HS6ST2: variants seen among roughly 807,000 people sequenced by gnomAD.
HS6ST2 encodes heparan-sulfate 6-O-sulfotransferase 2.
A neutral mutation model predicts 33.0 loss-of-function variants in HS6ST2; 17 were observed. The ratio of observed to expected loss-of-function variants is 0.52; its 90% confidence interval spans 0.35 to 0.77. The LOEUF (loss-of-function observed/expected upper bound fraction) is 0.77. Ranked by LOEUF, HS6ST2 falls within the 30% of genes least tolerant of loss-of-function variation. HS6ST2 has a pLI of 0.01. For missense variants in HS6ST2, 519 were observed against 551.7 expected (o/e 0.94, Z 0.59); for synonymous variants, 248 against 237.1 (o/e 1.05, Z -0.42).
intron 2 of HS6ST2, among the ~76,000 whole-genome samples, chrX:132,730,195 C>T (rs1054830978): frequency 8.1e-5 from 9 of 111,774 alleles, no homozygotes; most frequent in East Asian, 2.8e-4. Context: ...CCTTACACTG[C>T]GCTGCCACTA....
intron 4 of HS6ST2, among the ~76,000 whole-genome samples, chrX:132,640,294 T>G (rs1457219124): frequency 9.1e-6 from 1 of 110,458 alleles, no homozygotes; most frequent in African/African-American, 3.3e-5. Context: ...GAGTTGACTG[T>G]ATTATGGTCA....
chrX:132,766,892 T>G (rs901936363), intron 2 of HS6ST2, among the ~76,000 whole-genome samples: 2 of 111,770 alleles, frequency 1.8e-5, no homozygotes, highest in African/African-American at 3.3e-5. Context: ...ATGCAGCAAA[T>G]AATTATTGTA....
In HS6ST2 at chrX:132,649,556, A is replaced by G. The variant is rs143790218; in HGVS notation, c.1067+19557T>C. On this transcript the variant is annotated intron_variant, in intron 4 of 4. Coordinates refer to ENST00000370833, the MANE Select transcript of HS6ST2 (RefSeq NM_001394073.1). ...CTAAGCATTCTACATGGGTTATCTCATTGAAAAATCACAACTCCAGGCTGG... is the reference window on the plus strand; with the variant it reads ...CTAAGCATTCTACATGGGTTATCTCGTTGAAAAATCACAACTCCAGGCTGG... Among the ~76,000 whole-genome samples, 140 of 112,259 alleles carry G rather than the reference A, an allele frequency of 1.2e-3. 1 individual carries two copies. The highest frequency in any genetic ancestry group is 4.3e-3 in the African/African-American group (133 of 30,904).
intron 2 of HS6ST2, among the ~76,000 whole-genome samples, chrX:132,857,129 C>G (rs1486326620): frequency 8.9e-6 from 1 of 112,289 alleles, no homozygotes. Flanking sequence ...TTGATGATAT[C>G]AAAACAAAGG....
intron 2 of HS6ST2, among the ~76,000 whole-genome samples, chrX:132,867,367 C>T (rs1375242173): frequency 1.8e-5 from 2 of 109,398 alleles, no homozygotes; most frequent in Non-Finnish European, 3.8e-5. Flanking sequence ...TGATGTGCTG[C>T]TGGATTCGGT....
At chrX:132,886,770 TA>T (rs2066256995) in intron 2 of HS6ST2, among the ~76,000 whole-genome samples, 2 of 111,460 alleles carry the variant, frequency 1.8e-5, no homozygotes, top group East Asian at 5.7e-4. Context: ...TTATGTACAG[TA>T]GAGCATCAAT....
chrX:132,766,398 A>C (rs2064849012), intron 2 of HS6ST2, among the ~76,000 whole-genome samples: 1 of 112,123 alleles, frequency 8.9e-6, no homozygotes, highest in Non-Finnish European at 1.9e-5. Flanking sequence ...GAAGTGGTTA[A>C]ATGGAGGGCA....
At chrX:132,953,369 T>TCC (rs1255391825) in intron 2 of HS6ST2, among the ~76,000 whole-genome samples, 1 of 111,505 alleles carries the variant, frequency 9.0e-6, no homozygotes, top group Non-Finnish European at 1.9e-5. Flanking sequence ...AAGCTCTCTC[T>TCC]CTCTCTCTCT....
At chrX:132,924,626 GT>G (rs763518597) in intron 2 of HS6ST2, among the ~76,000 whole-genome samples, 18 of 111,470 alleles carry the variant, frequency 1.6e-4, no homozygotes, top group Non-Finnish European at 2.8e-4. Context: ...AACCAACCAT[GT>G]GATTAGAGGG....
rs201943572 is a variant in HS6ST2 at position 132,669,162 on chromosome X, C to T, written c.1018G>A (p.Ala340Thr). 2.6e-5 allele frequency: 31 copies of T among 1,207,279 alleles called. No homozygotes were observed. Among genetic ancestry groups the T allele is most frequent in the Admixed American group, 4.4e-5 (2 of 45,618 alleles). The change falls in exon 4 of 5, where the codon GCC becomes ACC. Residue 340 changes from alanine to threonine, a missense_variant. Physicochemically the swap from Ala to Thr is moderately conservative, Grantham distance 58. Coordinates refer to ENST00000370833, the MANE Select transcript of HS6ST2 (RefSeq NM_001394073.1). ...GTCTTTGTGGATGACGGAGAGTTGG[C>T]GCCTGCGTTAGTGTTTGGAGAACCC... is the stretch of plus-strand genomic sequence containing the variant. ...KRGSPNTNAG[A>T]NSPSSTKTRN...
intron 3 of HS6ST2, among the ~76,000 whole-genome samples, chrX:132,705,690 G>C (rs2064184010): frequency 8.9e-6 from 1 of 112,062 alleles, no homozygotes; most frequent in Non-Finnish European, 1.9e-5. Flanking sequence ...GAAGCCAACA[G>C]AGATGAACTA....
chrX:132,771,097 A>T (rs2064894412), intron 2 of HS6ST2, among the ~76,000 whole-genome samples: 1 of 111,512 alleles, frequency 9.0e-6, no homozygotes, highest in Non-Finnish European at 1.9e-5. Context: ...TATGCCAACA[A>T]TTATAAACCT....
intron 2 of HS6ST2, among the ~76,000 whole-genome samples, chrX:132,845,184 G>C (rs779877675): frequency 1.4e-4 from 15 of 108,800 alleles, no homozygotes; most frequent in Non-Finnish European, 2.3e-4. Flanking sequence ...TTGATTCAGA[G>C]GATCAGTCTC....
At chrX:132,960,596 T>A (rs2067136192), upstream of HS6ST2, among the ~76,000 whole-genome samples, 1 of 109,615 alleles carries the variant, frequency 9.1e-6, no homozygotes, top group Non-Finnish European at 1.9e-5. Context: ...TTTTACTCAT[T>A]TGAGTTGTGA....
chrX:132,724,165 AAGAAAAG>A (rs2064368998), intron 2 of HS6ST2, among the ~76,000 whole-genome samples: 1 of 110,624 alleles, frequency 9.0e-6, no homozygotes, highest in Non-Finnish European at 1.9e-5. Flanking sequence ...AAGAAAAGAA[AAGAAAAG>A]AAAGAAACAA....
intron 2 of HS6ST2, among the ~76,000 whole-genome samples, chrX:132,856,987 G>C (rs1232555292): frequency 8.9e-6 from 1 of 111,931 alleles, no homozygotes; most frequent in Non-Finnish European, 1.9e-5. Context: ...CAGGACAGAG[G>C]ACTAAAGGAA....
intron 2 of HS6ST2, among the ~76,000 whole-genome samples, chrX:132,809,091 C>G (rs1241898751): frequency 8.9e-6 from 1 of 111,786 alleles, no homozygotes; most frequent in African/African-American, 3.3e-5. Context: ...TGGGTTCAAG[C>G]CATTCTCCTG....
rs878919047 is a variant in HS6ST2, at chrX:132,945,137, A to T, written c.947+11671T>A. 6.2e-5 allele frequency among the ~76,000 whole-genome samples: 7 copies of T among 112,227 alleles called. No homozygotes were observed. The East Asian group carries it at 1.1e-3, about 18-fold the overall frequency. Reference sequence around the variant, plus strand: ...AAGGGCTAATATCCAGAATCTACAAAGAACTCAAACAGATTTACAAGAAAA... The same window carrying T: ...AAGGGCTAATATCCAGAATCTACAATGAACTCAAACAGATTTACAAGAAAA... On this transcript the variant is annotated intron_variant, in intron 2 of 4. Transcript: ENST00000370833.
At chrX:132,954,436 G>A (rs1483338238) in intron 2 of HS6ST2, among the ~76,000 whole-genome samples, 2 of 111,224 alleles carry the variant, frequency 1.8e-5, no homozygotes, top group African/African-American at 6.5e-5. Flanking sequence ...TTTTTGCCTC[G>A]CACAGACACA....
Sources: gnomAD v4.1 joint callset for allele counts (sites outside exome capture counted in the v4.1 genomes callset) on GRCh38, gnomAD v4.1.1 for gene constraint, MANE v1.5 for transcripts, NCBI Gene and HGNC (gene_info 2026-07-23, HGNC 2026-07-21) for gene names.